SOD2: variants seen among roughly 807,000 people sequenced by gnomAD.
SOD2 encodes superoxide dismutase 2, also known as superoxide dismutase [Mn], mitochondrial.
In SOD2, 11 loss-of-function variants were observed where a neutral mutation model predicts 27.0. The ratio of observed to expected loss-of-function variants is 0.41; its 90% CI spans 0.26 to 0.67. The LOEUF (loss-of-function observed/expected upper bound fraction) is 0.67. SOD2 is among the 30% of genes least tolerant of loss of function. The pLI is 0.34. For missense variants in SOD2, 250 were observed against 274.5 expected, an observed-to-expected ratio of 0.91 and a Z score of 0.63; for synonymous variants, 105 against 103.0, an observed-to-expected ratio of 1.02 and a Z score of -0.12.
Position 159,673,874 on chromosome 6 carries a change from G to A in SOD2, c.*8619C>T, listed in dbSNP as rs1211651707. ...AGCAAGACTAATAAACAAGAAAAGA[G>A]AGAAGAATCAAATAAATGCAATAAA... On this transcript the variant is annotated 3_prime_UTR_variant, in exon 5 of 5. Coordinates refer to ENST00000538183, the MANE Select transcript of SOD2 (RefSeq NM_000636.4). The A allele has an allele frequency of 6.6e-6, 1 of 152,026 alleles. No homozygotes were observed. The highest frequency in any genetic ancestry group is 1.9e-4 in the East Asian group (1 of 5,192). The allele number at this position is 152,026 out of a possible 1,614,324, so 9.4% of individuals were successfully genotyped here.
Position 159,681,834 on chromosome 6 carries a change from G to T in SOD2, c.*659C>A, listed in dbSNP as rs1486909982. On this transcript the variant is annotated 3_prime_UTR_variant, in exon 5 of 5. Transcript: ENST00000538183. ...CCCAATTCTCCTTGCTTGGCGCCCT[G>T]CAAATAAACATCCTCCTTTCTCCTA... The T allele has an allele frequency of 6.6e-6, 1 of 152,174 alleles. No homozygotes were observed. Among genetic ancestry groups the T allele is most frequent in the African/African-American group, 2.4e-5 (1 of 41,442 alleles). The allele number at this position is 152,174 out of a possible 1,614,324, so 9.4% of individuals were successfully genotyped here. A position where few individuals can be genotyped will look rare whatever the true frequency, so the allele number is the denominator to read the frequency against.
intron 2 of SOD2, among the ~76,000 whole-genome samples, chr6:159,690,590 C>G (rs1780412802): frequency 1.4e-5 from 2 of 144,136 alleles, no homozygotes; most frequent in East Asian, 4.0e-4. Flanking sequence ...AAGACACCAA[C>G]TTTTTTTTTC....
At chr6:159,693,006 G>T in intron 1 of SOD2, 139 bp downstream of exon 1, 2 of 1,357,574 alleles carry the variant, frequency 1.5e-6, no homozygotes, top group Non-Finnish European at 1.9e-6. Flanking sequence ...CGCCGCGCCG[G>T]GCACTCCCGG....
chr6:159,696,421 G>C (rs563905342), upstream of SOD2, among the ~76,000 whole-genome samples: 1 of 152,106 alleles, frequency 6.6e-6, no homozygotes, highest in South Asian at 2.1e-4. Context: ...CTGAGTTCAA[G>C]TGATTCTCCT....
intron 1 of SOD2, among the ~76,000 whole-genome samples, chr6:159,757,300 CTTA>C (rs1780035928): frequency 6.6e-6 from 1 of 152,138 alleles, no homozygotes; most frequent in African/African-American, 2.4e-5. Flanking sequence ...TGAGGTACAA[CTTA>C]TTTGAAAGTA....
upstream of SOD2, chr6:159,745,312 A>G (rs764334487): frequency 5.5e-4 from 84 of 152,190 alleles, no homozygotes; most frequent in African/African-American, 2.0e-3. Flanking sequence ...CATCTGTCCT[A>G]TATGCGCTGG....
At chr6:159,698,107 T>C (rs1052632964), upstream of SOD2, among the ~76,000 whole-genome samples, 2 of 152,160 alleles carry the variant, frequency 1.3e-5, no homozygotes, top group South Asian at 4.1e-4. Flanking sequence ...ACTCTGTCTT[T>C]ACTAAAAATA....
At chr6:159,716,234 T>C (rs1422280025) in intron 1 of SOD2, among the ~76,000 whole-genome samples, 1 of 152,232 alleles carries the variant, frequency 6.6e-6, no homozygotes, top group African/African-American at 2.4e-5. Context: ...TATAAGGACA[T>C]ATCTGTTTTA....
chr6:159,759,394 G>GGGCGCGGTGGCTCACGCCTGTAAA (rs1156369374), intron 1 of SOD2, among the ~76,000 whole-genome samples: 1 of 149,176 alleles, frequency 6.7e-6, no homozygotes, highest in Non-Finnish European at 1.5e-5. Flanking sequence ...CCAGCTGGCC[G>GGGCGCGGTGGCTCACGCCTGTAAA]GGCGCGGTGG....
chr6:159,719,049 A>G (rs181596680), intron 1 of SOD2, among the ~76,000 whole-genome samples: 17 of 152,206 alleles, frequency 1.1e-4, no homozygotes, highest in Admixed American at 1.0e-3. Context: ...TACTTCTGCA[A>G]TAGATTGAAT....
Position 159,718,926 on chromosome 6 carries a change from G to A in SOD2, c.-116+8203C>T, listed in dbSNP as rs914923040. 8.5e-5 allele frequency among the ~76,000 whole-genome samples: 13 copies of A among 152,266 alleles called. No individual in the cohort carries two copies. In the East Asian group the frequency reaches 1.4e-3, roughly 16 times the overall value. ...ACACCAGACGTGAGCTCTTGAGAGC[G>A]TCGTGGATTAACATTAACATTTTTA... On this transcript the variant is annotated intron_variant, in intron 1 of 2. Coordinates refer to the SOD2 transcript ENST00000401980.
At chr6:159,744,809 G>A (rs779493376) in intron 1 of SOD2, among the ~76,000 whole-genome samples, 7 of 152,030 alleles carry the variant, frequency 4.6e-5, no homozygotes, top group Non-Finnish European at 8.8e-5. Flanking sequence ...AGCTTCCCGA[G>A]TAACTGATTT....
At chr6:159,739,253 G>A (rs1020461011) in intron 1 of SOD2, among the ~76,000 whole-genome samples, 31 of 152,130 alleles carry the variant, frequency 2.0e-4, no homozygotes, top group African/African-American at 7.2e-4. Flanking sequence ...GAAGCTATAA[G>A]TTTAACAAAT....
At chr6:159,718,531 A>T (rs1777967240) in intron 1 of SOD2, among the ~76,000 whole-genome samples, 1 of 152,248 alleles carries the variant, frequency 6.6e-6, no homozygotes, top group African/African-American at 2.4e-5. Context: ...GTCTGCAGAG[A>T]AAATGAAGAC....
intron 4 of SOD2, 82 bp downstream of exon 4, chr6:159,684,772 A>T (rs764199127): frequency 4.9e-5 from 54 of 1,105,890 alleles, no homozygotes; most frequent in Non-Finnish European, 6.5e-5. Flanking sequence ...TTCTTAAAAC[A>T]CTGTTAGTTT....
At chr6:159,759,656 C>T (rs1022763647) in intron 1 of SOD2, among the ~76,000 whole-genome samples, 1 of 304 alleles carries the variant, frequency 3.3e-3, no homozygotes, top group African/African-American at 0.014. Flanking sequence ...GGTGACAGAG[C>T]GAGCTCCGTC....
At chr6:159,724,054 G>T (rs1156336010) in intron 1 of SOD2, among the ~76,000 whole-genome samples, 1 of 152,040 alleles carries the variant, frequency 6.6e-6, no homozygotes, top group African/African-American at 2.4e-5. Context: ...CAGCCCTCCA[G>T]TTTAAACTCA....
At chr6:159,732,929 T>C (rs1778678804) in intron 1 of SOD2, among the ~76,000 whole-genome samples, 1 of 139,600 alleles carries the variant, frequency 7.2e-6, no homozygotes, top group African/African-American at 3.0e-5. Context: ...AAAATTGATA[T>C]TTAGCTCCAG....
At chr6:159,751,591 A>G (rs957535205) in intron 1 of SOD2, among the ~76,000 whole-genome samples, 1 of 152,246 alleles carries the variant, frequency 6.6e-6, no homozygotes, top group Non-Finnish European at 1.5e-5. Context: ...CTACAGTAGC[A>G]GTGAACAAGA....
Sources: allele counts gnomAD v4.1 joint callset (sites outside exome capture counted in the v4.1 genomes callset), GRCh38; gene constraint gnomAD v4.1.1; transcripts MANE v1.5; gene names NCBI Gene and HGNC (gene_info 2026-07-23, HGNC 2026-07-21).